Variants in EIF2AK3 observed in about 807,000 individuals in gnomAD.
EIF2AK3 encodes eukaryotic translation initiation factor 2-alpha kinase 3.
A neutral mutation model predicts 113.5 loss-of-function variants in EIF2AK3; 50 were observed. The observed-to-expected ratio is 0.44, with a 90% CI of 0.35 to 0.56. EIF2AK3 has a LOEUF of 0.56. EIF2AK3 is among the 20% of genes least tolerant of loss of function. The probability of loss-of-function intolerance (pLI) is 0.00; values close to 1 mark genes in which losing one functional copy is unlikely to be tolerated. For synonymous variants in EIF2AK3, 448 were observed against 495.4 expected, an observed-to-expected ratio of 0.90 and a Z score of 1.27; for missense variants, 1,185 against 1,378.0, an observed-to-expected ratio of 0.86 and a Z score of 2.22.
At chr2:88,579,969 C>T in intron 10 of EIF2AK3, 1 of 272,842 alleles carries the variant, frequency 3.7e-6, no homozygotes, top group Admixed American at 5.1e-5. Flanking sequence ...TATCATATTC[C>T]TAATCCTCAT....
Position 88,627,020 on chromosome 2 carries a change from C to T in EIF2AK3, c.255G>A (p.Gln85=). 1.2e-6 allele frequency: 2 copies of T among 1,606,470 alleles called. No homozygotes were observed. Among genetic ancestry groups the T allele is most frequent in the Non-Finnish European group, 1.7e-6 (2 of 1,178,758 alleles). The change falls in exon 1 of 17, where the codon CAG becomes CAA. Residue 85 remains glutamine (Q), a synonymous_variant. Coordinates refer to ENST00000303236, the MANE Select transcript of EIF2AK3 (RefSeq NM_004836.7). ...AEALPAAAGE[Q]EPRGPEPDDE... The stretch of plus-strand genomic sequence containing the variant: ...CGTCTGGTTCCGGACCCCGAGGCTC[C>T]TGCTCTCCCGCGGCTGCCGGCAGCG...
chr2:88,588,145 A>C, intron 7 of EIF2AK3, 41 bp from the exon 8 acceptor site: 1 of 1,311,994 alleles, frequency 7.6e-7, no homozygotes, highest in East Asian at 2.6e-5. Context: ...AATATTTCTT[A>C]AGTCTGAACT....
At position 88,613,870 on chromosome 2, in the gene EIF2AK3, T is replaced by C; in HGVS notation, c.309-17A>G. The C allele has an allele frequency of 6.3e-7, 1 of 1,597,846 alleles. No individual in the cohort carries two copies. The highest frequency in any genetic ancestry group is 8.5e-7 in the Non-Finnish European group (1 of 1,169,830). On this transcript the variant is annotated splice_polypyrimidine_tract_variant and intron_variant, in intron 1 of 16. Coordinates refer to ENST00000303236, the MANE Select transcript of EIF2AK3 (RefSeq NM_004836.7). ...ACTAATGACCTGTAAATATTAAAAA[T>C]ATTTTTAAAATTAACAGATATCTAA... is the stretch of plus-strand genomic sequence containing the variant.
At chr2:88,600,702 G>A (rs1483874171) in intron 2 of EIF2AK3, among the ~76,000 whole-genome samples, 2 of 152,066 alleles carry the variant, frequency 1.3e-5, no homozygotes, top group African/African-American at 2.4e-5. Context: ...ACTTCTATCT[G>A]AAATTAAAAT....
chr2:88,607,570 A>T (rs1675322650), intron 2 of EIF2AK3, among the ~76,000 whole-genome samples: 1 of 152,162 alleles, frequency 6.6e-6, no homozygotes, highest in Admixed American at 6.5e-5. Flanking sequence ...ATTCATTCTA[A>T]ATGTAATTTA....
At chr2:88,594,579 C>A (rs894257623) in intron 3 of EIF2AK3, among the ~76,000 whole-genome samples, 5 of 152,080 alleles carry the variant, frequency 3.3e-5, no homozygotes, top group Admixed American at 3.3e-4. Context: ...TGATTATATC[C>A]TAAGAGCTAA....
chr2:88,579,489 T>G (rs1384906057), intron 11 of EIF2AK3, 29 bp downstream of exon 11: 2 of 1,612,732 alleles, frequency 1.2e-6, no homozygotes, highest in African/African-American at 2.7e-5. Context: ...TGTGCTGATT[T>G]CAAGTTTACT....
chr2:88,571,085 A>G, intron 13 of EIF2AK3, 44 bp from the exon 14 acceptor site: 1 of 1,597,912 alleles, frequency 6.3e-7, no homozygotes, highest in East Asian at 2.2e-5. Flanking sequence ...GTGTGCATGG[A>G]GGCGAAAAAG....
chr2:88,590,312 G>C (rs1674849854), intron 6 of EIF2AK3, 131 bp downstream of exon 6: 1 of 911,470 alleles, frequency 1.1e-6, no homozygotes, highest in Non-Finnish European at 1.7e-6. Context: ...TAAATCTCAA[G>C]GGCAACGTAC....
At chr2:88,628,017 C>CA (rs1412607438), upstream of EIF2AK3, 1 of 152,338 alleles carries the variant, frequency 6.6e-6, no homozygotes, top group African/African-American at 2.4e-5. Context: ...AGCGAAGCAG[C>CA]AAGAAGTGGC....
intron 14 of EIF2AK3, among the ~76,000 whole-genome samples, chr2:88,564,086 AAAAT>A (rs1401948416): frequency 5.3e-5 from 8 of 152,330 alleles, no homozygotes; most frequent in Middle Eastern, 3.4e-3. Flanking sequence ...AAATATCTAA[AAAAT>A]AAGGAATTAG....
In EIF2AK3 at chr2:88,570,960, C is replaced by T; in HGVS notation, c.2899G>A (p.Glu967Lys). Residue 967 changes from glutamate (E) to lysine (K), a missense_variant, in exon 14 of 17, where the codon GAA (glutamate) becomes AAA (lysine). Around this residue, in one of 3 missense-constraint regions of EIF2AK3, gnomAD observed 877 missense variants for 1,024.2 expected, o/e 0.86. Transcript: ENST00000303236. ...GLVTAMDQDE[E>K]EQTVLTPMPA... is the part of the protein sequence containing the mutation. Reference sequence around the variant, plus strand: ...ATTGGGGTCAGAACCGTCTGCTCTTCCTCATCCTGGTCCATTGCAGTCACT... The same window carrying T: ...ATTGGGGTCAGAACCGTCTGCTCTTTCTCATCCTGGTCCATTGCAGTCACT... 1.2e-6 allele frequency: 2 copies of T among 1,614,178 alleles called. No homozygotes were observed.
chr2:88,558,065 C>G, intron 16 of EIF2AK3, 129 bp from the exon 17 acceptor site: 1 of 881,940 alleles, frequency 1.1e-6, no homozygotes, highest in Non-Finnish European at 1.8e-6. Flanking sequence ...GTTTTCAAGT[C>G]TCTGATACAA....
chr2:88,618,588 G>A (rs961787567), intron 1 of EIF2AK3, among the ~76,000 whole-genome samples: 1 of 152,234 alleles, frequency 6.6e-6, no homozygotes, highest in Non-Finnish European at 1.5e-5. Context: ...CTGGGAGAAT[G>A]TAGCCTAACA....
intron 2 of EIF2AK3, among the ~76,000 whole-genome samples, chr2:88,596,307 T>C (rs535625161): frequency 6.6e-6 from 1 of 152,314 alleles, no homozygotes; most frequent in East Asian, 1.9e-4. Context: ...CTTTTAACAA[T>C]GCTTATTAAG....
intron 2 of EIF2AK3, among the ~76,000 whole-genome samples, chr2:88,601,954 T>G (rs1675163280): frequency 6.7e-6 from 1 of 149,338 alleles, no homozygotes; most frequent in South Asian, 2.1e-4. Flanking sequence ...CAGGTTCAAG[T>G]GATTCTCCTG....
At chr2:88,607,383 A>C (rs2104460671) in intron 2 of EIF2AK3, among the ~76,000 whole-genome samples, 1 of 152,354 alleles carries the variant, frequency 6.6e-6, no homozygotes, top group East Asian at 1.9e-4. Context: ...TGGCAAAAAT[A>C]TTATGCTTAG....
intron 2 of EIF2AK3, among the ~76,000 whole-genome samples, chr2:88,607,123 CAAGACATA>C (rs1321963295): frequency 6.6e-6 from 1 of 151,990 alleles, no homozygotes; most frequent in African/African-American, 2.4e-5. Context: ...AAATGAGTTC[CAAGACATA>C]AAGAAGTAGA....
intron 2 of EIF2AK3, among the ~76,000 whole-genome samples, chr2:88,601,632 A>G (rs2104452990): frequency 6.6e-6 from 1 of 152,282 alleles, no homozygotes; most frequent in East Asian, 1.9e-4. Context: ...TAGGAGGCAC[A>G]TAGTGTTTGC....
Sources: allele counts gnomAD v4.1 joint callset (sites outside exome capture counted in the v4.1 genomes callset), GRCh38; gene constraint gnomAD v4.1.1; regional missense constraint gnomAD v4.1.1; transcripts MANE v1.5; gene names NCBI Gene and HGNC (gene_info 2026-07-23, HGNC 2026-07-21).